PCSK6: variants seen among roughly 807,000 people sequenced by gnomAD.
PCSK6 encodes paired basic amino acid cleaving enzyme 4.
A neutral mutation model predicts 123.3 loss-of-function variants in PCSK6; 85 were observed. The ratio of observed to expected loss-of-function variants is 0.69; its 90% CI spans 0.58 to 0.83. The LOEUF is 0.83. Among genes scored for constraint, PCSK6 ranks in the 40% least tolerant of loss-of-function variants. The pLI, the probability that PCSK6 is intolerant of heterozygous loss-of-function variation, is 0.00. For missense variants in PCSK6, 1,191 were observed against 1,282.3 expected (o/e 0.93, Z 1.09); for synonymous variants, 508 against 516.0 (o/e 0.98, Z 0.21).
chr15:101,357,890 T>C (rs577074505), intron 13 of PCSK6, among the ~76,000 whole-genome samples: 14 of 152,170 alleles, frequency 9.2e-5, no homozygotes, highest in Non-Finnish European at 1.9e-4. Flanking sequence ...CCATCCACAC[T>C]GACGCCTTCT....
intron 1 of PCSK6, among the ~76,000 whole-genome samples, chr15:101,474,600 T>C (rs1213020020): frequency 2.6e-5 from 4 of 152,222 alleles, no homozygotes; most frequent in Non-Finnish European, 5.9e-5. Flanking sequence ...CTTCTATCTC[T>C]GCTTTTATCC....
chr15:101,338,751 A>G (rs1387283348), intron 13 of PCSK6, among the ~76,000 whole-genome samples: 1 of 152,226 alleles, frequency 6.6e-6, no homozygotes, highest in Non-Finnish European at 1.5e-5. Context: ...ATTTTTTGCC[A>G]TCAGATTCCT....
chr15:101,444,091 A>C (rs1177357844), intron 1 of PCSK6, among the ~76,000 whole-genome samples: 2 of 152,204 alleles, frequency 1.3e-5, no homozygotes, highest in Non-Finnish European at 2.9e-5. Context: ...GGTAAACTGA[A>C]ATATCGAAGA....
intron 15 of PCSK6, among the ~76,000 whole-genome samples, chr15:101,330,763 A>G (rs2040356688): frequency 6.6e-6 from 1 of 152,248 alleles, no homozygotes. Flanking sequence ...TCAGTTCCTT[A>G]TTAATAATTA....
At chr15:101,433,041 T>G (rs2056495874) in intron 2 of PCSK6, among the ~76,000 whole-genome samples, 1 of 152,260 alleles carries the variant, frequency 6.6e-6, no homozygotes, top group African/African-American at 2.4e-5. Flanking sequence ...CAGCATGATT[T>G]GTTTTCACGA....
At chr15:101,329,828 C>T (rs766903520) in intron 15 of PCSK6, among the ~76,000 whole-genome samples, 29 of 152,190 alleles carry the variant, frequency 1.9e-4, no homozygotes, top group Non-Finnish European at 3.8e-4. Flanking sequence ...TCCTGGCCTC[C>T]CAGCCACTCT....
chr15:101,426,061 C>T (rs1035592229), intron 6 of PCSK6, among the ~76,000 whole-genome samples: 1 of 152,216 alleles, frequency 6.6e-6, no homozygotes, highest in Non-Finnish European at 1.5e-5. Context: ...ATGCCATGCT[C>T]AAAGTCTAGG....
At chr15:101,407,343 A>G (rs2042809725) in intron 6 of PCSK6, among the ~76,000 whole-genome samples, 1 of 152,182 alleles carries the variant, frequency 6.6e-6, no homozygotes, top group African/African-American at 2.4e-5. Flanking sequence ...GGTATCATCC[A>G]TCTTCTCCCC....
chr15:101,331,794 C>A, intron 14 of PCSK6, 58 bp downstream of exon 14: 2 of 1,605,950 alleles, frequency 1.2e-6, no homozygotes, highest in Non-Finnish European at 1.7e-6. Flanking sequence ...TTAAGAGCTA[C>A]TCTGGACAAT....
At chr15:101,421,325 A>G (rs2056078698) in intron 6 of PCSK6, among the ~76,000 whole-genome samples, 1 of 152,216 alleles carries the variant, frequency 6.6e-6, no homozygotes, top group Non-Finnish European at 1.5e-5. Context: ...TTTATAAGGA[A>G]TGTGCAGTTT....
intron 13 of PCSK6, among the ~76,000 whole-genome samples, chr15:101,360,855 C>T (rs917539317): frequency 8.5e-5 from 13 of 152,200 alleles, no homozygotes; most frequent in Non-Finnish European, 1.3e-4. Context: ...CCTGAAATGC[C>T]CTTGTCACCC....
intron 19 of PCSK6, among the ~76,000 whole-genome samples, chr15:101,316,553 A>G (rs2039992715): frequency 6.6e-6 from 1 of 152,268 alleles, no homozygotes; most frequent in Admixed American, 6.5e-5. Flanking sequence ...TAAATAAGTC[A>G]AAGAAATAAT....
At chr15:101,379,969 C>T (rs1054130678) in intron 11 of PCSK6, among the ~76,000 whole-genome samples, 1 of 152,156 alleles carries the variant, frequency 6.6e-6, no homozygotes, top group Admixed American at 6.5e-5. Flanking sequence ...TCTGCAACAA[C>T]CACGTTACAG....
chr15:101,432,120 T>A lies in PCSK6; in HGVS notation c.403-20A>T. 6.3e-7 allele frequency: 1 copy of A among 1,575,916 alleles called. No individual in the cohort carries two copies. Among genetic ancestry groups the A allele is most frequent in the Admixed American group, 1.7e-5 (1 of 58,274 alleles). On this transcript the variant is annotated intron_variant, in intron 2 of 21. Coordinates refer to ENST00000611716, the MANE Select transcript of PCSK6 (RefSeq NM_002570.5). Reference sequence around the variant, plus strand: ...TTTCACCTACCAGAAGAAATGCAATTACTGTTTATATTAGAAATGATTTCT... The same window carrying A: ...TTTCACCTACCAGAAGAAATGCAATAACTGTTTATATTAGAAATGATTTCT...
intron 6 of PCSK6, among the ~76,000 whole-genome samples, chr15:101,416,161 T>C (rs1296197042): frequency 1.3e-5 from 2 of 152,188 alleles, no homozygotes; most frequent in African/African-American, 4.8e-5. Context: ...AAAATGCTGA[T>C]AGTGATATGA....
At chr15:101,352,170 C>T (rs540316306) in intron 13 of PCSK6, among the ~76,000 whole-genome samples, 7 of 101,760 alleles carry the variant, frequency 6.9e-5, no homozygotes, top group Non-Finnish European at 1.1e-4. Flanking sequence ...TTTTTACAGA[C>T]GGGGTCTCAC....
At chr15:101,478,633 G>A (rs1346245022) in intron 1 of PCSK6, among the ~76,000 whole-genome samples, 1 of 152,158 alleles carries the variant, frequency 6.6e-6, no homozygotes, top group African/African-American at 2.4e-5. Context: ...AGGCTAGGAT[G>A]CTAGGTGTGT....
At position 101,305,038 on chromosome 15, in the gene PCSK6, G is replaced by C. The variant is rs968808077; in HGVS notation, c.*220C>G. The C allele has an allele frequency of 1.9e-6, 1 of 533,096 alleles. No individual in the cohort carries two copies. 33.0% of individuals were successfully genotyped at this position (533,096 alleles called of 1,614,324 possible). A position where few individuals can be genotyped will look rare whatever the true frequency, so the allele number is the denominator to read the frequency against. On this transcript the variant is annotated 3_prime_UTR_variant, in exon 22 of 22. Transcript: ENST00000611716. The surrounding 1 kb of genome is among the most constrained non-coding windows in gnomAD (Gnocchi z 4.8). The stretch of plus-strand genomic sequence containing the variant: ...TTCCTGTTAGTTTGTCGGAAGACTG[G>C]AGCCAACAAGCAGCATTTGAGAGGA...
chr15:101,323,822 T>C (rs954652329), intron 17 of PCSK6, among the ~76,000 whole-genome samples: 46 of 151,772 alleles, frequency 3.0e-4, no homozygotes, highest in African/African-American at 1.1e-3. Context: ...GTAACGGCAG[T>C]GCCATGACAG....
Sources: gnomAD v4.1 joint callset for allele counts (sites outside exome capture counted in the v4.1 genomes callset) on GRCh38, gnomAD v4.1.1 for gene constraint, Gnocchi (gnomAD v3.1) non-coding constraint, MANE v1.5 for transcripts, NCBI Gene and HGNC (gene_info 2026-07-23, HGNC 2026-07-21) for gene names.